The following PKD2 variants were observed in gnomAD, a reference collection of about 807,000 sequenced individuals.
PKD2 encodes polycystin 2, transient receptor potential cation channel.
In PKD2, 48 loss-of-function variants were observed where a neutral mutation model predicts 105.9. That is an observed-to-expected ratio of 0.45 (90% CI 0.36 to 0.58). PKD2 has a LOEUF of 0.58. Among genes scored for constraint, PKD2 ranks in the 20% least tolerant of loss-of-function variants. The pLI is 0.00. For synonymous variants in PKD2, 464 were observed against 481.1 expected (o/e 0.96, Z 0.46); for missense variants, 1,078 against 1,255.3 (o/e 0.86, Z 2.13).
intron 2 of PKD2, among the ~76,000 whole-genome samples, chr4:88,031,537 A>G (rs1488475943): frequency 6.6e-6 from 1 of 152,008 alleles, no homozygotes; most frequent in Non-Finnish European, 1.5e-5. Flanking sequence ...TCTTAGTTCT[A>G]CTGTCTTTAT....
chr4:88,067,952 T>C lies in PKD2; in HGVS notation c.2413T>C (p.Phe805Leu), dbSNP rs746133842. ...ACCACGTCCCATGAGCAGCCGAAGT[T>C]TCCCTCGAAGCCTGGATGACTCTGA... is the stretch of plus-strand genomic sequence containing the variant. ...SLPRPMSSRS[F>L]PRSLDDSEED... Residue 805 changes from phenylalanine to leucine, a missense_variant, in exon 13 of 15, where the codon TTC becomes CTC. Phe to Leu is a conservative substitution (Grantham distance 22, BLOSUM62 0). Coordinates refer to ENST00000237596, the MANE Select transcript of PKD2 (RefSeq NM_000297.4). The C allele has an allele frequency of 1.2e-5, 19 of 1,614,038 alleles. 1 individual carries two copies. In the South Asian group the frequency reaches 1.6e-4, roughly 14 times the overall value.
chr4:88,059,679 A>T (rs1005598314), intron 9 of PKD2, among the ~76,000 whole-genome samples: 1 of 152,118 alleles, frequency 6.6e-6, no homozygotes, highest in African/African-American at 2.4e-5. Flanking sequence ...TTTTTGTACG[A>T]CTGCACAAAA....
chr4:88,019,882 G>A (rs1287527705), intron 2 of PKD2, among the ~76,000 whole-genome samples: 1 of 152,190 alleles, frequency 6.6e-6, no homozygotes, highest in Non-Finnish European at 1.5e-5. Flanking sequence ...TGACTAAATT[G>A]TGACCAAATG....
In PKD2 at chr4:88,075,933, T is replaced by G. The variant is rs147418332; in HGVS notation, c.*239T>G. The G allele has an allele frequency of 9.6e-4, 501 of 524,406 alleles. No individual in the cohort carries two copies. Among genetic ancestry groups the G allele is most frequent in the African/African-American group, 7.9e-3 (413 of 52,428 alleles). The allele number at this position is 524,406 out of a possible 1,614,324, so 32.5% of individuals were successfully genotyped here. Reference sequence around the variant, plus strand: ...AATATTGAGTACAGAAAAAAAATCTTCATGATGTGTATTGAGCGGTACGCC... The same window carrying G: ...AATATTGAGTACAGAAAAAAAATCTGCATGATGTGTATTGAGCGGTACGCC... On this transcript the variant is annotated 3_prime_UTR_variant, in exon 15 of 15. Coordinates refer to ENST00000237596, the MANE Select transcript of PKD2 (RefSeq NM_000297.4).
Position 88,043,419 on chromosome 4 carries a change from A to T in PKD2, c.1281A>T (p.Ser427=), listed in dbSNP as rs367859449. The T allele has an allele frequency of 6.8e-6, 11 of 1,613,748 alleles. No individual in the cohort carries two copies. The highest frequency in any genetic ancestry group is 9.3e-6 in the Non-Finnish European group (11 of 1,179,802). The part of the protein sequence containing the change: ...RGTRATFIDF[S]VYNANINLFC... Reference sequence around the variant, plus strand: ...CCAGGGCAACTTTTATTGACTTCTCAGTGTACAACGCCAACATTAACCTGT... The same window carrying T: ...CCAGGGCAACTTTTATTGACTTCTCTGTGTACAACGCCAACATTAACCTGT... The change falls in exon 5 of 15, where the codon TCA becomes TCT. Residue 427 remains serine (S), a synonymous_variant. Transcript: ENST00000237596.
chr4:88,064,811 G>C (rs1720729554), intron 10 of PKD2, among the ~76,000 whole-genome samples: 1 of 151,944 alleles, frequency 6.6e-6, no homozygotes, highest in African/African-American at 2.4e-5. Flanking sequence ...AAAATCACTT[G>C]AGCTCAGGAG....
intron 7 of PKD2, among the ~76,000 whole-genome samples, chr4:88,055,475 C>T (rs897632296): frequency 6.6e-6 from 1 of 151,950 alleles, no homozygotes; most frequent in African/African-American, 2.4e-5. Context: ...TAGCTGAAAC[C>T]ACAGGTGTGT....
chr4:88,063,926 G>C (rs1282976671), intron 10 of PKD2, among the ~76,000 whole-genome samples: 1 of 152,092 alleles, frequency 6.6e-6, no homozygotes, highest in Non-Finnish European at 1.5e-5. Flanking sequence ...AGGCCAAGGT[G>C]GGTGGATCAC....
At chr4:88,066,074 G>A (rs1720782365) in intron 12 of PKD2, among the ~76,000 whole-genome samples, 195 bp downstream of exon 12, 1 of 152,024 alleles carries the variant, frequency 6.6e-6, no homozygotes, top group African/African-American at 2.4e-5. Flanking sequence ...TATAAAAATG[G>A]GTGGTTAGCA....
chr4:88,031,524 G>A (rs1727151124), intron 2 of PKD2, among the ~76,000 whole-genome samples: 1 of 152,076 alleles, frequency 6.6e-6, no homozygotes, highest in Non-Finnish European at 1.5e-5. Context: ...TGTGGCCAAG[G>A]CATCTTAGTT....
chr4:88,068,271 C>T (rs1229395131), intron 13 of PKD2, among the ~76,000 whole-genome samples: 4 of 152,074 alleles, frequency 2.6e-5, no homozygotes, highest in South Asian at 2.1e-4. Context: ...AAGTTCGAGA[C>T]GAGCCTGGCC....
chr4:88,053,649 C>A (rs1306763979), intron 7 of PKD2, among the ~76,000 whole-genome samples: 1 of 137,702 alleles, frequency 7.3e-6, no homozygotes, highest in Admixed American at 7.1e-5. Flanking sequence ...AGAGTGAGAC[C>A]CTGTCTCAAA....
chr4:88,010,433 C>G (rs1181969675), intron 1 of PKD2, among the ~76,000 whole-genome samples: 2 of 152,320 alleles, frequency 1.3e-5, no homozygotes, highest in South Asian at 2.1e-4. Flanking sequence ...TAGCATATCA[C>G]TGTTTTCCTA....
At chr4:88,044,705 T>A (rs2110113686) in intron 5 of PKD2, among the ~76,000 whole-genome samples, 1 of 152,288 alleles carries the variant, frequency 6.6e-6, no homozygotes, top group South Asian at 2.1e-4. Flanking sequence ...TATTTTTCCC[T>A]TAGGGATGTT....
In PKD2 at chr4:88,052,007, T is replaced by C. The variant is rs1375586696; in HGVS notation, c.1565T>C (p.Ile522Thr). 5 of 1,587,076 alleles carry C rather than the reference T, an allele frequency of 3.2e-6. No homozygotes were observed. Among genetic ancestry groups the C allele is most frequent in the Non-Finnish European group, 4.3e-6 (5 of 1,156,058 alleles). Residue 522 changes from isoleucine (I) to threonine (T), a missense_variant, in exon 7 of 15, where the codon ATA becomes ACA. Ile to Thr is a moderately conservative substitution (Grantham distance 89). Transcript: ENST00000237596. ...VVIVVLSVVA[I>T]GINIYRTSNV... Reference sequence around the variant, plus strand: ...GCTTTTCAGCTGTCAGTGGTAGCTATAGGAATTAACATATACAGAACATCA... The same window carrying C: ...GCTTTTCAGCTGTCAGTGGTAGCTACAGGAATTAACATATACAGAACATCA...
At chr4:88,041,029 T>C (rs970536863) in intron 4 of PKD2, among the ~76,000 whole-genome samples, 3 of 152,162 alleles carry the variant, frequency 2.0e-5, no homozygotes, top group Non-Finnish European at 2.9e-5. Flanking sequence ...TTCACAGAGC[T>C]TGCATTCTAG....
rs1578116442 is a variant in PKD2 at position 88,016,343 on chromosome 4, A to ACTTCC, written c.596-3115_596-3114insCTTCC. 2.6e-5 allele frequency among the ~76,000 whole-genome samples: 4 copies of ACTTCC among 152,346 alleles called. No homozygotes were observed. The East Asian group carries it at 7.7e-4, about 29-fold the overall frequency. ...TCTCCCTAACACCTGGAAACATTGAATACCTTCAATGCTGGGAAGTTAACT... is the reference window on the plus strand; with the variant it reads ...TCTCCCTAACACCTGGAAACATTGAACTTCCTACCTTCAATGCTGGGAAGTTAACT... On this transcript the variant is annotated intron_variant, in intron 1 of 14. Transcript: ENST00000237596.
At position 88,046,797 on chromosome 4, in the gene PKD2, T is replaced by C; in HGVS notation, c.1475T>C (p.Ile492Thr). The C allele has an allele frequency of 1.2e-6, 2 of 1,611,326 alleles. No homozygotes were observed. Among genetic ancestry groups the C allele is most frequent in the Non-Finnish European group, 1.7e-6 (2 of 1,177,406 alleles). The change falls in exon 6 of 15, where the codon ATA (isoleucine) becomes ACA (threonine). Residue 492 changes from isoleucine (I) to threonine (T), a missense_variant. Ile to Thr is a moderately conservative substitution (Grantham distance 89). This residue lies in a region of PKD2 where 868 missense variants were observed against 1,067.3 expected (regional missense o/e 0.81). Coordinates refer to ENST00000237596, the MANE Select transcript of PKD2 (RefSeq NM_000297.4). ...FFIFYYVVEE[I>T]LEIRIHKLHY... ...ATCTTTTACTATGTGGTGGAAGAGA[T>C]ATTGGAAATTCGCATTCACAAACTA...
chr4:88,076,858 A>T lies in PKD2; in HGVS notation c.*1164A>T, dbSNP rs907246091. On this transcript the variant is annotated 3_prime_UTR_variant, in exon 15 of 15. Coordinates refer to ENST00000237596, the MANE Select transcript of PKD2 (RefSeq NM_000297.4). ...AAAATAAAAAATATAGTACTCAAGT[A>T]TTCTTGATCCTGTGTTTCAAAACTA... The T allele has an allele frequency of 6.6e-6, 1 of 152,164 alleles. No homozygotes were observed. The highest frequency in any genetic ancestry group is 1.5e-5 in the Non-Finnish European group (1 of 68,030). The allele number at this position is 152,164 out of a possible 1,614,324, so 9.4% of individuals were successfully genotyped here.
Sources: gnomAD v4.1 joint callset for allele counts (sites outside exome capture counted in the v4.1 genomes callset) on GRCh38, gnomAD v4.1.1 for gene constraint, gnomAD v4.1.1 regional missense constraint, MANE v1.5 for transcripts, NCBI Gene and HGNC (gene_info 2026-07-23, HGNC 2026-07-21) for gene names.